The following MLKL variants were observed in gnomAD, a reference collection of about 807,000 sequenced individuals.
The protein encoded by MLKL is mixed lineage kinase domain-like protein.
In MLKL, 55 loss-of-function variants were observed where a neutral mutation model predicts 56.5. That is an observed-to-expected ratio of 0.97 (90% CI 0.78 to 1.22). The LOEUF is 1.22. Among genes scored for constraint, MLKL ranks in the 50% most tolerant of loss-of-function variants. The pLI is 0.00. For synonymous variants in MLKL, 251 were observed against 208.3 expected (o/e 1.20, Z -1.76); for missense variants, 694 against 573.9 (o/e 1.21, Z -2.14).
In MLKL at chr16:74,675,735, C is replaced by A; in HGVS notation, c.1068G>T (p.Gln356His). The change falls in exon 8 of 11, where the codon CAG becomes CAT. Residue 356 changes from glutamine to histidine, a missense_variant. Coordinates refer to ENST00000308807, the MANE Select transcript of MLKL (RefSeq NM_152649.4). ...KLAGFELRKT[Q>H]TSMSLGTTRE... ...TCGTAGTTCCCAAACTCATGGAAGT[C>A]TGTGTTTTCCTCAACTCAAATCCTG... 1 of 1,614,110 alleles carries A rather than the reference C, an allele frequency of 6.2e-7. No homozygotes were observed. Among genetic ancestry groups the A allele is most frequent in the Non-Finnish European group, 8.5e-7 (1 of 1,180,032 alleles).
At chr16:74,698,235 C>A (rs1961167713) in intron 1 of MLKL, among the ~76,000 whole-genome samples, 1 of 151,664 alleles carries the variant, frequency 6.6e-6, no homozygotes. Context: ...CCACCACTAA[C>A]AAACGACAAC....
intron 5 of MLKL, among the ~76,000 whole-genome samples, chr16:74,683,208 C>T (rs534450568): frequency 6.6e-6 from 1 of 151,100 alleles, no homozygotes; most frequent in East Asian, 1.9e-4. Context: ...ACTTGGGAGG[C>T]TGAGGCAGGA....
intron 2 of MLKL, among the ~76,000 whole-genome samples, chr16:74,693,819 G>A (rs532952323): frequency 7.1e-4 from 108 of 152,128 alleles, no homozygotes; most frequent in African/African-American, 2.6e-3. Flanking sequence ...TAGCCAGGAT[G>A]GTCTCAATCT....
intron 2 of MLKL, among the ~76,000 whole-genome samples, chr16:74,693,058 A>G (rs1164028190): frequency 6.6e-6 from 1 of 152,224 alleles, no homozygotes; most frequent in Non-Finnish European, 1.5e-5. Context: ...CATAGTTGGT[A>G]GAAGTAATAT....
intron 6 of MLKL, among the ~76,000 whole-genome samples, chr16:74,682,095 T>TAA (rs147781114): frequency 1.4e-4 from 21 of 146,866 alleles, no homozygotes; most frequent in South Asian, 4.3e-4. Flanking sequence ...AAAATATATA[T>TAA]AAAAAAAAAA....
At chr16:74,700,409 C>G (rs1317038338) in intron 1 of MLKL, 44 bp downstream of exon 1, 1 of 152,618 alleles carries the variant, frequency 6.6e-6, no homozygotes, top group Non-Finnish European at 1.5e-5. Flanking sequence ...AATTCGGCTG[C>G]AGCCCCTCGG....
chr16:74,685,351 A>C, intron 5 of MLKL, 135 bp downstream of exon 5: 1 of 698,882 alleles, frequency 1.4e-6, no homozygotes, highest in Non-Finnish European at 2.4e-6. Context: ...AAAAAAAAAA[A>C]ATTAACATTG....
intron 10 of MLKL, 114 bp downstream of exon 10, chr16:74,674,846 G>A (rs1390711047): frequency 7.6e-6 from 10 of 1,309,836 alleles, no homozygotes; most frequent in East Asian, 4.7e-5. Context: ...AATGTTCCCC[G>A]GATAAAACCA....
Position 74,685,402 on chromosome 16 carries a change from C to T in MLKL, c.820+84G>A, listed in dbSNP as rs9925295. 1.6e-3 allele frequency: 1,596 copies of T among 1,017,826 alleles called. 14 individuals carry two copies. In the African/African-American group the frequency reaches 0.023, roughly 15 times the overall value. 63.0% of individuals were successfully genotyped at this position (1,017,826 alleles called of 1,614,324 possible). A position where few individuals can be genotyped will look rare whatever the true frequency, so the allele number is the denominator to read the frequency against. Reference sequence around the variant, plus strand: ...TGTGGATTCCACCCTTTGTGATGTTCTTTAAAAAAATGCAACACATTAAAA... The same window carrying T: ...TGTGGATTCCACCCTTTGTGATGTTTTTTAAAAAAATGCAACACATTAAAA... On this transcript the variant is annotated intron_variant, in intron 5 of 10. Coordinates refer to ENST00000308807, the MANE Select transcript of MLKL (RefSeq NM_152649.4).
At chr16:74,673,223 T>C (rs1959341412) in intron 10 of MLKL, among the ~76,000 whole-genome samples, 1 of 152,164 alleles carries the variant, frequency 6.6e-6, no homozygotes. Context: ...CTTCTTTTCT[T>C]TCTTTCTCTT....
rs66482612 is a variant in MLKL at position 74,684,431 on chromosome 16, G to GAAA, written c.820+1052_820+1054dup. ...AAATGCAGTCACATTGGGAAAAAAA[G>GAAA]AAAAAAAAAAAAAAAAAAAGAGCCT... is the stretch of plus-strand genomic sequence containing the variant. On this transcript the variant is annotated intron_variant, in intron 5 of 10. Coordinates refer to ENST00000308807, the MANE Select transcript of MLKL (RefSeq NM_152649.4). 9.8e-5 allele frequency among the ~76,000 whole-genome samples: 11 copies of GAAA among 112,722 alleles called. 2 individuals carry two copies. The highest frequency in any genetic ancestry group is 2.0e-4 in the Admixed American group (2 of 9,862). 74.0% of individuals were successfully genotyped at this position (112,722 alleles called of 152,430 possible).
At position 74,693,603 on chromosome 16, in the gene MLKL, A is replaced by ATT. The variant is rs71376299; in HGVS notation, c.461-1189_461-1188dup. ...CATCTAAAAATGGTTGAAATGGTAA[A>ATT]TTTTTTTTTTTTTTTTTTTGAGACG... On this transcript the variant is annotated intron_variant, in intron 2 of 10. Coordinates refer to ENST00000308807, the MANE Select transcript of MLKL (RefSeq NM_152649.4). Among the ~76,000 whole-genome samples the ATT allele has an allele frequency of 2.8e-3, 376 of 135,754 alleles. 6 individuals are homozygous for ATT. The highest frequency in any genetic ancestry group is 0.014 in the East Asian group (63 of 4,490). The allele number at this position is 135,754 out of a possible 152,430, so 89.1% of individuals were successfully genotyped here.
chr16:74,695,861 G>T, intron 1 of MLKL, 102 bp from the exon 2 acceptor site: 1 of 1,041,766 alleles, frequency 9.6e-7, no homozygotes. Context: ...AATGCCTGAG[G>T]AGGTCTCCCC....
intron 4 of MLKL, among the ~76,000 whole-genome samples, chr16:74,688,428 G>A (rs2144523065): frequency 6.6e-6 from 1 of 152,180 alleles, no homozygotes; most frequent in East Asian, 1.9e-4. Flanking sequence ...AGAAAACACA[G>A]GAGGGCCAGG....
In MLKL at chr16:74,695,524, C is replaced by A. The variant is rs767010693; in HGVS notation, c.234G>T (p.Lys78Asn). ...ALEEANGEIE[K>N]FSNRSNICRF... ...TGCAGATATTGGATCTATTGCTGAA[C>A]TTTTCTATCTCCCCATTAGCCTCCT... Residue 78 changes from lysine to asparagine, a missense_variant, in exon 2 of 11, where the codon AAG (lysine) becomes AAT (asparagine). Transcript: ENST00000308807. 7 of 1,614,096 alleles carry A rather than the reference C, an allele frequency of 4.3e-6. No homozygotes were observed. The East Asian group carries it at 1.3e-4, about 31-fold the overall frequency.
In MLKL at chr16:74,675,726, C is replaced by G; in HGVS notation, c.1077G>C (p.Met359Ile). The change falls in exon 8 of 11, where the codon ATG (methionine) becomes ATC (isoleucine). Residue 359 changes from methionine (M) to isoleucine (I), a missense_variant. Transcript: ENST00000308807. ...TCTTTTCTCTCGTAGTTCCCAAACT[C>G]ATGGAAGTCTGTGTTTTCCTCAACT... ...GFELRKTQTSMSLGTTREKTD... is the reference protein window; with the variant it reads ...GFELRKTQTSISLGTTREKTD... 2 of 1,614,144 alleles carry G rather than the reference C, an allele frequency of 1.2e-6. No homozygotes were observed. Among genetic ancestry groups the G allele is most frequent in the Non-Finnish European group, 1.7e-6 (2 of 1,180,036 alleles).
In MLKL at chr16:74,698,766, C is replaced by T. The variant is rs116226317; in HGVS notation, c.-3+1687G>A. Reference sequence around the variant, plus strand: ...AAGGAAAATGGGGAAAATATCCCACCCATAGAACTGACAAACAATTTCAAA... The same window carrying T: ...AAGGAAAATGGGGAAAATATCCCACTCATAGAACTGACAAACAATTTCAAA... On this transcript the variant is annotated intron_variant, in intron 1 of 10. Coordinates refer to ENST00000308807, the MANE Select transcript of MLKL (RefSeq NM_152649.4). Among the ~76,000 whole-genome samples the T allele has an allele frequency of 5.7e-3, 871 of 152,202 alleles. 10 individuals are homozygous for T. The highest frequency in any genetic ancestry group is 0.02 in the African/African-American group (838 of 41,514).
At chr16:74,676,934 T>C (rs1238604189) in intron 7 of MLKL, 2 of 152,304 alleles carry the variant, frequency 1.3e-5, no homozygotes, top group Middle Eastern at 3.4e-3. Flanking sequence ...TTGCTGATGA[T>C]GAAAATAAAA....
intron 3 of MLKL, 59 bp from the exon 4 acceptor site, chr16:74,691,522 C>T: frequency 6.5e-7 from 1 of 1,543,106 alleles, no homozygotes; most frequent in Non-Finnish European, 8.8e-7. Context: ...GGAAGGGGTC[C>T]TAAGGGAGGT....
Sources: allele counts gnomAD v4.1 joint callset (sites outside exome capture counted in the v4.1 genomes callset), GRCh38; gene constraint gnomAD v4.1.1; transcripts MANE v1.5; gene names NCBI Gene and HGNC (gene_info 2026-07-23, HGNC 2026-07-21).